ALS2: variants seen among roughly 807,000 people sequenced by gnomAD.
The protein encoded by ALS2 is alsin Rho guanine nucleotide exchange factor ALS2, also known as alsin.
A neutral mutation model predicts 203.4 loss-of-function variants in ALS2; 117 were observed. The ratio of observed to expected loss-of-function variants is 0.58; its 90% confidence interval spans 0.50 to 0.67. The LOEUF is 0.67. ALS2 is among the 30% of genes least tolerant of loss of function. The pLI is 0.00. For missense variants in ALS2, 1,715 were observed against 1,989.4 expected, an observed-to-expected ratio of 0.86 and a Z score of 2.62; for synonymous variants, 718 against 725.9, an observed-to-expected ratio of 0.99 and a Z score of 0.17.
chr2:201,753,737 T>G (rs1217188507), intron 6 of ALS2, among the ~76,000 whole-genome samples: 1 of 152,206 alleles, frequency 6.6e-6, no homozygotes, highest in Non-Finnish European at 1.5e-5. Flanking sequence ...TGAATAGACA[T>G]AGTCTGATGT....
intron 25 of ALS2, among the ~76,000 whole-genome samples, chr2:201,711,760 A>G (rs1690039136): frequency 6.6e-6 from 1 of 152,250 alleles, no homozygotes; most frequent in Admixed American, 6.5e-5. Flanking sequence ...AAAACTGTGC[A>G]TAATCATTAT....
At chr2:201,753,707 C>A (rs1447439600) in intron 6 of ALS2, among the ~76,000 whole-genome samples, 1 of 152,132 alleles carries the variant, frequency 6.6e-6, no homozygotes, top group African/African-American at 2.4e-5. Context: ...AACAAAATGC[C>A]AGTTTTACCC....
intron 3 of ALS2, chr2:201,765,748 G>T (rs1343136420): frequency 6.0e-6 from 1 of 166,906 alleles, no homozygotes; most frequent in Non-Finnish European, 1.5e-5. Context: ...AAGATTAAAG[G>T]TACCTCTATA....
At chr2:201,768,258 A>C (rs1165730185) in intron 2 of ALS2, among the ~76,000 whole-genome samples, 1 of 152,196 alleles carries the variant, frequency 6.6e-6, no homozygotes, top group Non-Finnish European at 1.5e-5. Flanking sequence ...ACATCTGATG[A>C]TTTCGGTTTA....
chr2:201,705,467 A>G lies in ALS2; in HGVS notation c.4581-6T>C. The G allele has an allele frequency of 6.2e-7, 1 of 1,606,246 alleles. No homozygotes were observed. The highest frequency in any genetic ancestry group is 1.7e-5 in the Admixed American group (1 of 60,004). On this transcript the variant is annotated splice_polypyrimidine_tract_variant and splice_region_variant and intron_variant, in intron 29 of 33. Transcript: ENST00000264276. ...AGGTTGCTGGCCAAAATTTCCTATA[A>G]TGGAATCCATAAATTATTAATATAA...
rs1344374855 is a variant in ALS2 at position 201,701,108 on chromosome 2, G to A, written c.*743C>T. On this transcript the variant is annotated 3_prime_UTR_variant, in exon 34 of 34. Transcript: ENST00000264276. Reference sequence around the variant, plus strand: ...CAAATGAGGTTCCTAGCAGCTCAGAGTCGGTGTCTGAATTCCAGTGTATTC... The same window carrying A: ...CAAATGAGGTTCCTAGCAGCTCAGAATCGGTGTCTGAATTCCAGTGTATTC... The A allele has an allele frequency of 1.3e-5, 2 of 152,606 alleles. No homozygotes were observed. Among genetic ancestry groups the A allele is most frequent in the African/African-American group, 4.8e-5 (2 of 41,442 alleles). The allele number at this position is 152,606 out of a possible 1,614,324, so 9.5% of individuals were successfully genotyped here.
At chr2:201,725,059 G>A (rs922017542) in intron 20 of ALS2, among the ~76,000 whole-genome samples, 20 of 150,600 alleles carry the variant, frequency 1.3e-4, no homozygotes, top group Non-Finnish European at 2.8e-4. Context: ...CTTGCAGTGA[G>A]CCAAGATTGC....
chr2:201,768,621 G>T (rs1299771301), intron 2 of ALS2, among the ~76,000 whole-genome samples: 4 of 152,162 alleles, frequency 2.6e-5, no homozygotes, highest in Non-Finnish European at 5.9e-5. Flanking sequence ...GAAATTATTT[G>T]TGAGGGAAAA....
chr2:201,723,793 A>G (rs1157872789), intron 21 of ALS2, among the ~76,000 whole-genome samples: 1 of 152,236 alleles, frequency 6.6e-6, no homozygotes, highest in Non-Finnish European at 1.5e-5. Context: ...ACCTATGCAC[A>G]GGTTTTTCTT....
intron 24 of ALS2, chr2:201,716,714 C>CA (rs60793117): frequency 0.015 from 1,395 of 96,192 alleles, 23 homozygotes; most frequent in African/African-American, 0.048. Context: ...GACTCCATCT[C>CA]AAAAAAAAAA....
intron 1 of ALS2, among the ~76,000 whole-genome samples, chr2:201,774,170 G>A (rs1179901974): frequency 6.6e-6 from 1 of 152,208 alleles, no homozygotes; most frequent in Non-Finnish European, 1.5e-5. Flanking sequence ...GGGGAGATGG[G>A]AGGAAGCTGA....
intron 11 of ALS2, among the ~76,000 whole-genome samples, chr2:201,740,633 G>A (rs1254303936): frequency 1.3e-5 from 2 of 151,960 alleles, no homozygotes; most frequent in African/African-American, 4.8e-5. Context: ...ACTCAAACCA[G>A]GGTACTTCCT....
chr2:201,741,450 T>C (rs956469307), intron 11 of ALS2: 14 of 511,530 alleles, frequency 2.7e-5, no homozygotes, highest in South Asian at 9.2e-5. Context: ...TGCTAGAATA[T>C]AGAAGAAAAC....
chr2:201,728,217 G>A (rs186420794), intron 15 of ALS2, among the ~76,000 whole-genome samples: 5 of 152,156 alleles, frequency 3.3e-5, no homozygotes, highest in Non-Finnish European at 7.4e-5. Flanking sequence ...CTTACATTAG[G>A]TGTATCTCCT....
chr2:201,704,651 A>T (rs776508125), intron 31 of ALS2, 48 bp from the exon 32 acceptor site: 2 of 1,609,654 alleles, frequency 1.2e-6, no homozygotes, highest in Non-Finnish European at 1.7e-6. Context: ...TTTCTTAATA[A>T]AGCCATTTGA....
chr2:201,760,018 G>A (rs1693658210), intron 4 of ALS2: 6 of 981,802 alleles, frequency 6.1e-6, no homozygotes, highest in Non-Finnish European at 7.3e-6. Context: ...AATGAAAATA[G>A]TTTTAATAAG....
intron 3 of ALS2, 87 bp downstream of exon 3, chr2:201,767,142 T>C: frequency 6.7e-7 from 1 of 1,498,760 alleles, no homozygotes; most frequent in Non-Finnish European, 9.3e-7. Context: ...GAACCCCTAG[T>C]ATCCAATGAC....
At chr2:201,759,351 A>G in intron 4 of ALS2, 1 of 936,900 alleles carries the variant, frequency 1.1e-6, no homozygotes, top group Non-Finnish European at 1.3e-6. Flanking sequence ...TCTCGCCAGA[A>G]GAGAAAAAAC....
In ALS2 at chr2:201,738,753, A is replaced by G. The variant is rs1692047938; in HGVS notation, c.2352-18T>C. ...TGCAATACCTTGAGCAGAAAAGAAA[A>G]CACATGTACATTAGTTGAAATGTAA... On this transcript the variant is annotated intron_variant, in intron 11 of 33. Transcript: ENST00000264276. The G allele has an allele frequency of 4.4e-6, 7 of 1,600,054 alleles. No individual in the cohort carries two copies. Among genetic ancestry groups the G allele is most frequent in the Non-Finnish European group, 6.0e-6 (7 of 1,167,202 alleles).
Sources: allele counts gnomAD v4.1 joint callset (sites outside exome capture counted in the v4.1 genomes callset), GRCh38; gene constraint gnomAD v4.1.1; transcripts MANE v1.5; gene names NCBI Gene and HGNC (gene_info 2026-07-23, HGNC 2026-07-21).